Variants in SIL1 observed in about 807,000 individuals in gnomAD.
SIL1 encodes the protein nucleotide exchange factor SIL1.
A neutral mutation model predicts 49.1 loss-of-function variants in SIL1; 40 were observed. The ratio of observed to expected loss-of-function variants is 0.81; its 90% confidence interval spans 0.63 to 1.06. The LOEUF (loss-of-function observed/expected upper bound fraction) is 1.06, where lower values mean the gene tolerates loss of function less well. Among genes scored for constraint, SIL1 ranks in the 50% least tolerant of loss-of-function variants. The probability of loss-of-function intolerance (pLI) is 0.00; values close to 1 mark genes in which losing one functional copy is unlikely to be tolerated. For synonymous variants in SIL1, 253 were observed against 250.8 expected, an observed-to-expected ratio of 1.01 and a Z score of -0.08; for missense variants, 500 against 572.6, an observed-to-expected ratio of 0.87 and a Z score of 1.29.
intron 3 of SIL1, among the ~76,000 whole-genome samples, chr5:139,068,219 C>G (rs1324730962): frequency 6.6e-6 from 1 of 152,126 alleles, no homozygotes; most frequent in African/African-American, 2.4e-5. Flanking sequence ...CTATCAAAAC[C>G]AAGTGCAAAG....
At chr5:139,077,058 C>T (rs1769967906) in intron 3 of SIL1, among the ~76,000 whole-genome samples, 1 of 152,120 alleles carries the variant, frequency 6.6e-6, no homozygotes, top group African/African-American at 2.4e-5. Flanking sequence ...TGCTTGAACC[C>T]AGGATGTGGA....
intron 1 of SIL1, among the ~76,000 whole-genome samples, chr5:139,160,143 T>TCTCACA (rs1554136432): frequency 7.3e-6 from 1 of 137,866 alleles, no homozygotes; most frequent in East Asian, 2.2e-4. Context: ...ATTTCCACAA[T>TCTCACA]CACACACACA....
At chr5:138,988,209 G>A (rs1034181092) in intron 7 of SIL1, among the ~76,000 whole-genome samples, 4 of 152,208 alleles carry the variant, frequency 2.6e-5, no homozygotes, top group Non-Finnish European at 2.9e-5. Context: ...GCTCCTGGTG[G>A]CCATTGTACG....
intron 1 of SIL1, among the ~76,000 whole-genome samples, chr5:139,136,376 A>C (rs1195610298): frequency 1.3e-5 from 2 of 152,202 alleles, no homozygotes; most frequent in African/African-American, 4.8e-5. Context: ...GCAGGGCAAG[A>C]GTTTCAGTGC....
chr5:138,959,841 C>T (rs1404664140), intron 7 of SIL1, among the ~76,000 whole-genome samples: 1 of 152,234 alleles, frequency 6.6e-6, no homozygotes, highest in Non-Finnish European at 1.5e-5. Context: ...GCCTCAATCT[C>T]TAGATTTTTG....
intron 3 of SIL1, among the ~76,000 whole-genome samples, chr5:139,094,817 C>T (rs1770419582): frequency 6.6e-6 from 1 of 152,196 alleles, no homozygotes; most frequent in African/African-American, 2.4e-5. Context: ...ATCCAATTCA[C>T]AATACCACAA....
At chr5:138,996,944 T>G (rs1225317397) in intron 7 of SIL1, among the ~76,000 whole-genome samples, 4 of 152,186 alleles carry the variant, frequency 2.6e-5, no homozygotes, top group African/African-American at 9.7e-5. Flanking sequence ...CTCCAATCTT[T>G]TCTTTTGAGA....
intron 1 of SIL1, among the ~76,000 whole-genome samples, chr5:139,167,555 G>A (rs532852542): frequency 3.3e-5 from 5 of 152,262 alleles, no homozygotes; most frequent in Admixed American, 2.0e-4. Flanking sequence ...TTTTTGTGCC[G>A]TTGTACAATA....
At chr5:139,004,677 CAAG>C (rs1435054304) in intron 7 of SIL1, among the ~76,000 whole-genome samples, 1 of 152,112 alleles carries the variant, frequency 6.6e-6, no homozygotes, top group African/African-American at 2.4e-5. Context: ...TTTTCAACTT[CAAG>C]AAGTTCTATT....
intron 1 of SIL1, among the ~76,000 whole-genome samples, chr5:139,139,247 T>C (rs1299313425): frequency 2.6e-5 from 4 of 152,184 alleles, no homozygotes; most frequent in Non-Finnish European, 5.9e-5. Flanking sequence ...GCTTTCTCTA[T>C]AGCCTGCTCC....
Position 138,988,602 on chromosome 5 carries a change from T to C in SIL1, c.767+32569A>G, listed in dbSNP as rs146917247. Among the ~76,000 whole-genome samples, 11 of 152,302 alleles carry C rather than the reference T, an allele frequency of 7.2e-5. No homozygotes were observed. In the East Asian group the frequency reaches 2.1e-3, roughly 29 times the overall value. ...TCCACCTGAGTCATTCTACAACTATTGAAAGCAAAGAAACTATCTCCTAAG... is the reference window on the plus strand; with the variant it reads ...TCCACCTGAGTCATTCTACAACTATCGAAAGCAAAGAAACTATCTCCTAAG... On this transcript the variant is annotated intron_variant, in intron 7 of 9. Transcript: ENST00000394817.
chr5:139,178,762 T>C (rs2151818617), intron 1 of SIL1, among the ~76,000 whole-genome samples: 1 of 152,276 alleles, frequency 6.6e-6, no homozygotes, highest in South Asian at 2.1e-4. Flanking sequence ...TTATTCCAAG[T>C]GTAATTTTAC....
intron 3 of SIL1, among the ~76,000 whole-genome samples, chr5:139,062,233 A>C (rs1769606565): frequency 6.6e-6 from 1 of 152,204 alleles, no homozygotes; most frequent in African/African-American, 2.4e-5. Flanking sequence ...GGGAACCAAA[A>C]ATGGAGACCT....
At chr5:139,051,429 G>C (rs993355231) in intron 3 of SIL1, among the ~76,000 whole-genome samples, 3 of 152,096 alleles carry the variant, frequency 2.0e-5, no homozygotes, top group African/African-American at 7.2e-5. Context: ...CTACTTTACC[G>C]TCTCTTCCAT....
At chr5:139,104,572 C>T (rs1317924336) in intron 3 of SIL1, among the ~76,000 whole-genome samples, 5 of 152,200 alleles carry the variant, frequency 3.3e-5, no homozygotes, top group African/African-American at 9.7e-5. Flanking sequence ...GAAAACCCAA[C>T]GTTACCAGTA....
At chr5:139,021,343 C>A (rs1768523250) in intron 6 of SIL1, 51 bp from the exon 7 acceptor site, 2 of 1,608,974 alleles carry the variant, frequency 1.2e-6, no homozygotes, top group Non-Finnish European at 1.7e-6. Flanking sequence ...GACAGGAAAG[C>A]TGTTCTTAGA....
rs529012685 is a variant in SIL1 at position 139,198,352 on chromosome 5, C to G, written c.-94G>C. 340 of 152,244 alleles carry G rather than the reference C, an allele frequency of 2.2e-3. 1 individual carries two copies. Among genetic ancestry groups the G allele is most frequent in the African/African-American group, 7.5e-3 (310 of 41,540 alleles). 9.4% of individuals were successfully genotyped at this position (152,244 alleles called of 1,614,324 possible). On this transcript the variant is annotated 5_prime_UTR_variant, in exon 1 of 10. Coordinates refer to ENST00000394817, the MANE Select transcript of SIL1 (RefSeq NM_022464.5). ...CGGCGACCAGCTCCCCCTGCGCAAA[C>G]GCGGCGGCGACCGTCTGAGCCGGTG...
chr5:139,032,666 T>A (rs1390392825), intron 5 of SIL1, among the ~76,000 whole-genome samples: 1 of 152,230 alleles, frequency 6.6e-6, no homozygotes, highest in African/African-American at 2.4e-5. Context: ...TTGGTTAATA[T>A]CTCCAGTGAA....
chr5:139,174,503 A>C (rs1488394027), intron 1 of SIL1, among the ~76,000 whole-genome samples: 1 of 151,894 alleles, frequency 6.6e-6, no homozygotes, highest in Non-Finnish European at 1.5e-5. Flanking sequence ...GAGAGAGAGG[A>C]CTCAAATTAC....
Sources: allele counts gnomAD v4.1 joint callset (sites outside exome capture counted in the v4.1 genomes callset), GRCh38; gene constraint gnomAD v4.1.1; transcripts MANE v1.5; gene names NCBI Gene and HGNC (gene_info 2026-07-23, HGNC 2026-07-21).